The following OTUD7A variants were observed in gnomAD, a reference collection of about 807,000 sequenced individuals.
OTUD7A encodes the protein OTU deubiquitinase 7A.
OTUD7A carries 12 observed loss-of-function variants against 65.7 expected under a neutral mutation model. The observed-to-expected ratio is 0.18, with a 90% CI of 0.12 to 0.30. The LOEUF (loss-of-function observed/expected upper bound fraction) is 0.30, where lower values mean the gene tolerates loss of function less well. Ranked by LOEUF, OTUD7A falls within the 10% of genes least tolerant of loss-of-function variation. The probability of loss-of-function intolerance (pLI) is 1.00; values close to 1 mark genes in which losing one functional copy is unlikely to be tolerated. For synonymous variants in OTUD7A, 641 were observed against 586.3 expected (o/e 1.09, Z -1.35); for missense variants, 1,148 against 1,304.8 (o/e 0.88, Z 1.85).
At position 31,620,744 on chromosome 15, in the gene OTUD7A, G is replaced by T. The variant is rs1193182670; in HGVS notation, c.151+34352C>A. On this transcript the variant is annotated intron_variant, in intron 3 of 12. Transcript: ENST00000307050. Reference sequence around the variant, plus strand: ...TCCTGGATTCATTAATTTTTTGAAGGGTTTTTTGTGTCTCTATTTCCTTCA... The same window carrying T: ...TCCTGGATTCATTAATTTTTTGAAGTGTTTTTTGTGTCTCTATTTCCTTCA... Among the ~76,000 whole-genome samples, 6 of 104,102 alleles carry T rather than the reference G, an allele frequency of 5.8e-5. 2 individuals carry two copies. Among genetic ancestry groups the T allele is most frequent in the African/African-American group, 3.7e-4 (6 of 16,058 alleles). 68.3% of individuals were successfully genotyped at this position (104,102 alleles called of 152,430 possible). A position where few individuals can be genotyped will look rare whatever the true frequency, so the allele number is the denominator to read the frequency against.
At chr15:31,554,873 C>T (rs761624818) in intron 5 of OTUD7A, among the ~76,000 whole-genome samples, 14 of 152,210 alleles carry the variant, frequency 9.2e-5, no homozygotes, top group South Asian at 2.1e-4. Flanking sequence ...AAGGTGTTTC[C>T]CTTCCTCTCA....
At chr15:31,775,431 A>G (rs1895351306) in intron 1 of OTUD7A, among the ~76,000 whole-genome samples, 1 of 152,196 alleles carries the variant, frequency 6.6e-6, no homozygotes, top group Non-Finnish European at 1.5e-5. Context: ...AAATAAATAA[A>G]TTAAACAATA....
intron 3 of OTUD7A, among the ~76,000 whole-genome samples, chr15:31,622,997 C>G (rs911116754): frequency 2.6e-5 from 4 of 152,206 alleles, no homozygotes; most frequent in African/African-American, 9.7e-5. Context: ...GGACCCTCAG[C>G]TGCAGGTCTG....
chr15:31,634,675 C>T (rs1176978862), intron 3 of OTUD7A, among the ~76,000 whole-genome samples: 1 of 152,256 alleles, frequency 6.6e-6, no homozygotes, highest in Non-Finnish European at 1.5e-5. Flanking sequence ...GGCAATGTTC[C>T]TGCAGGTCTG....
chr15:31,508,731 G>A lies in OTUD7A; in HGVS notation c.894-4913C>T, dbSNP rs180795553. On this transcript the variant is annotated intron_variant, in intron 8 of 12. Coordinates refer to ENST00000307050, the MANE Select transcript of OTUD7A (RefSeq NM_001382637.1). ...TGTGTTAAAAGATTTTTAGTTTTGA[G>A]GAAAGGGAAAGTGGAAGATAAATTA... Among the ~76,000 whole-genome samples, 325 of 152,322 alleles carry A rather than the reference G, an allele frequency of 2.1e-3. 1 individual carries two copies. Among genetic ancestry groups the A allele is most frequent in the African/African-American group, 7.4e-3 (307 of 41,574 alleles).
chr15:31,663,245 A>G (rs1487982495), intron 1 of OTUD7A, among the ~76,000 whole-genome samples: 2 of 136,128 alleles, frequency 1.5e-5, no homozygotes, highest in Non-Finnish European at 3.1e-5. Flanking sequence ...GTCTTGGGCT[A>G]AACACACACA....
chr15:31,546,645 A>G (rs1439004608), intron 5 of OTUD7A, among the ~76,000 whole-genome samples: 2 of 152,234 alleles, frequency 1.3e-5, no homozygotes, highest in African/African-American at 4.8e-5. Context: ...CTGTGAGAAA[A>G]TAAATTTCTG....
At chr15:31,573,774 G>A (rs750434408) in intron 3 of OTUD7A, among the ~76,000 whole-genome samples, 3 of 152,192 alleles carry the variant, frequency 2.0e-5, no homozygotes, top group Non-Finnish European at 2.9e-5. Context: ...GGTGGGACAC[G>A]CCTGTAGTCC....
chr15:31,619,048 T>C (rs1310933359), intron 3 of OTUD7A, among the ~76,000 whole-genome samples: 1 of 152,234 alleles, frequency 6.6e-6, no homozygotes, highest in Non-Finnish European at 1.5e-5. Flanking sequence ...TCCCCATTTC[T>C]TGTTTTTGTC....
intron 3 of OTUD7A, among the ~76,000 whole-genome samples, chr15:31,618,026 G>A (rs1890649764): frequency 6.6e-6 from 1 of 151,560 alleles, no homozygotes; most frequent in Non-Finnish European, 1.5e-5. Context: ...AGAACATGCG[G>A]TGTTTGGTTT....
In OTUD7A at chr15:31,624,048, T is replaced by C. The variant is rs910793568; in HGVS notation, c.151+31048A>G. 6.6e-5 allele frequency among the ~76,000 whole-genome samples: 10 copies of C among 152,270 alleles called. No homozygotes were observed. In the East Asian group the frequency reaches 7.7e-4, roughly 12 times the overall value. On this transcript the variant is annotated intron_variant, in intron 3 of 12. Transcript: ENST00000307050. Reference sequence around the variant, plus strand: ...TTTGAAATATTTTGACTTTGTCTTATTGGCTTTGCTTTGTAGTAGGTTTTG... The same window carrying C: ...TTTGAAATATTTTGACTTTGTCTTACTGGCTTTGCTTTGTAGTAGGTTTTG...
At position 31,487,781 on chromosome 15, in the gene OTUD7A, C is replaced by G. The variant is rs1217989635; in HGVS notation, c.1172-215G>C. Among the ~76,000 whole-genome samples the G allele has an allele frequency of 6.6e-6, 1 of 152,212 alleles. No homozygotes were observed. Among genetic ancestry groups the G allele is most frequent in the African/African-American group, 2.4e-5 (1 of 41,454 alleles). On this transcript the variant is annotated intron_variant, in intron 10 of 12. Transcript: ENST00000307050. The surrounding 1 kb of genome is among the most constrained non-coding windows in gnomAD (Gnocchi z 6.0). ...AGTGGAGAGCAGTTGGAAGCGTCAC[C>G]TGGACCCTGGCTCTCTTTGGGTCTG...
intron 1 of OTUD7A, among the ~76,000 whole-genome samples, chr15:31,710,192 G>C (rs1274401633): frequency 1.3e-5 from 2 of 149,316 alleles, no homozygotes; most frequent in Admixed American, 6.7e-5. Context: ...TTTCTTATGT[G>C]TTTTCTGCAC....
At chr15:31,659,327 A>G (rs1892091635) in intron 1 of OTUD7A, among the ~76,000 whole-genome samples, 2 of 152,064 alleles carry the variant, frequency 1.3e-5, no homozygotes, top group Admixed American at 1.3e-4. Context: ...TGCTTTTAAC[A>G]TCTGTCTTAA....
chr15:31,615,790 C>T (rs1171887480), intron 3 of OTUD7A, among the ~76,000 whole-genome samples: 2 of 152,228 alleles, frequency 1.3e-5, no homozygotes, highest in African/African-American at 4.8e-5. Context: ...ACTGGCTGTG[C>T]CACCGTGCCC....
At chr15:31,847,091 G>A (rs1897309955) in intron 1 of OTUD7A, among the ~76,000 whole-genome samples, 1 of 152,234 alleles carries the variant, frequency 6.6e-6, no homozygotes, top group Admixed American at 6.5e-5. Flanking sequence ...CGTAGCCTGG[G>A]CATCCTTGTG....
Position 31,484,248 on chromosome 15 carries a change from G to A in OTUD7A, c.1848C>T (p.Gly616=), listed in dbSNP as rs2141060759. The A allele has an allele frequency of 6.3e-7, 1 of 1,597,122 alleles. No individual in the cohort carries two copies. ...SPAEKGGGPR[G]DAWKYSTDVK... ...CATCCGTGCTGTACTTCCAGGCGTC[G>A]CCCCGCGGCCCACCGCCCTTCTCCG... is the stretch of plus-strand genomic sequence containing the variant. Residue 616 remains glycine, a synonymous_variant, in exon 13 of 13, where the codon GGC becomes GGT. Coordinates refer to ENST00000307050, the MANE Select transcript of OTUD7A (RefSeq NM_001382637.1). This position sits in a 1 kb window ranked among gnomAD's most constrained non-coding sequence, Gnocchi z 4.5.
Position 31,479,483 on chromosome 15 carries a change from A to ATTTT in OTUD7A, c.*3810_*3811insAAAA, listed in dbSNP as rs1268302842. The ATTTT allele has an allele frequency of 1.3e-5, 2 of 152,258 alleles. No homozygotes were observed. The highest frequency in any genetic ancestry group is 3.8e-4 in the East Asian group (2 of 5,204). 9.4% of individuals were successfully genotyped at this position (152,258 alleles called of 1,614,324 possible). A position where few individuals can be genotyped will look rare whatever the true frequency, so the allele number is the denominator to read the frequency against. On this transcript the variant is annotated 3_prime_UTR_variant, in exon 13 of 13. Coordinates refer to ENST00000307050, the MANE Select transcript of OTUD7A (RefSeq NM_001382637.1). ...GCTTTTACTCCAGGTCTCTTCGTAA[A>ATTTT]TAAAAGACTCACATGGAATGGAACT...
intron 1 of OTUD7A, among the ~76,000 whole-genome samples, chr15:31,680,137 G>T (rs1269343103): frequency 1.3e-5 from 2 of 152,190 alleles, no homozygotes; most frequent in Non-Finnish European, 2.9e-5. Flanking sequence ...AAAACATCAA[G>T]TCCTGGTGAA....
Sources: gnomAD v4.1 joint callset for allele counts (sites outside exome capture counted in the v4.1 genomes callset) on GRCh38, gnomAD v4.1.1 for gene constraint, Gnocchi (gnomAD v3.1) non-coding constraint, MANE v1.5 for transcripts, NCBI Gene and HGNC (gene_info 2026-07-23, HGNC 2026-07-21) for gene names.